Variants in FTCDNL1 observed in about 807,000 individuals in gnomAD.
FTCDNL1 encodes the protein formiminotransferase N-terminal subdomain-containing protein.
FTCDNL1 carries 11 observed loss-of-function variants against 5.9 expected under a neutral mutation model. The ratio of observed to expected loss-of-function variants is 1.87; its 90% CI spans 1.18 to 3.10. FTCDNL1 has a LOEUF of 3.10. Among genes scored for constraint, FTCDNL1 ranks in the 30% most tolerant of loss-of-function variants. FTCDNL1 has a pLI of 0.00. For synonymous variants in FTCDNL1, 58 were observed against 24.8 expected, an observed-to-expected ratio of 2.34 and a Z score of -3.99; for missense variants, 115 against 65.5, an observed-to-expected ratio of 1.76 and a Z score of -2.61.
At chr2:199,826,921 G>C (rs1412958106) in intron 3 of FTCDNL1, among the ~76,000 whole-genome samples, 1 of 152,174 alleles carries the variant, frequency 6.6e-6, no homozygotes, top group Non-Finnish European at 1.5e-5. Context: ...AATAAATGCG[G>C]AAGTGATGAT....
At chr2:199,785,265 T>TTTTTTTTTTTA (rs1574499072) in intron 3 of FTCDNL1, among the ~76,000 whole-genome samples, 4 of 143,642 alleles carry the variant, frequency 2.8e-5, no homozygotes, top group Non-Finnish European at 4.5e-5. Context: ...TTTTTTTTTT[T>TTTTTTTTTTTA]GAGACAGAAT....
chr2:199,707,492 T>C, the FTCDNL1 span, among the ~76,000 whole-genome samples: 16 of 152,268 alleles, frequency 1.1e-4, 1 homozygote, highest in South Asian at 3.3e-3. Flanking sequence ...TTATTTTCTT[T>C]TTAATGAATG....
chr2:199,747,444 C>T, the FTCDNL1 span, among the ~76,000 whole-genome samples: 1 of 152,162 alleles, frequency 6.6e-6, no homozygotes, highest in South Asian at 2.1e-4. Context: ...TGTCTGTGTT[C>T]ACACTCACAG....
chr2:199,725,494 A>C, the FTCDNL1 span, among the ~76,000 whole-genome samples: 1 of 152,068 alleles, frequency 6.6e-6, no homozygotes, highest in Non-Finnish European at 1.5e-5. Context: ...TGGTCTGTGT[A>C]CTTCAGTGTG....
rs1351736177 is a variant in FTCDNL1, at chr2:199,810,765, AT to A, written c.*1939del. ...TTTCTAAAAGCAAAGTTAAGCAGGG[AT>A]TGATGAGGAATAAAGGACTGACCTC... On this transcript the variant is annotated 3_prime_UTR_variant, in exon 5 of 5. Transcript: ENST00000420128. 6.6e-6 allele frequency among the ~76,000 whole-genome samples: 1 copy of A among 152,330 alleles called. No individual in the cohort carries two copies. The highest frequency in any genetic ancestry group is 6.5e-5 in the Admixed American group (1 of 15,304).
chr2:199,739,804 G>T, the FTCDNL1 span, among the ~76,000 whole-genome samples: 1 of 152,126 alleles, frequency 6.6e-6, no homozygotes, highest in Non-Finnish European at 1.5e-5. Flanking sequence ...CCGTTTTATG[G>T]AAGTGCTTTT....
intron 3 of FTCDNL1, among the ~76,000 whole-genome samples, chr2:199,777,211 T>C (rs1321049613): frequency 1.3e-5 from 2 of 152,136 alleles, no homozygotes; most frequent in Non-Finnish European, 1.5e-5. Context: ...GAGAATCTCT[T>C]GAACCCAGGA....
the FTCDNL1 span, among the ~76,000 whole-genome samples, chr2:199,734,247 C>A: frequency 6.6e-6 from 1 of 152,288 alleles, no homozygotes; most frequent in South Asian, 2.1e-4. Context: ...CGGGTGGATG[C>A]TGAAACTGCT....
At chr2:199,795,376 GGTT>G (rs910984156) in intron 3 of FTCDNL1, among the ~76,000 whole-genome samples, 1 of 152,064 alleles carries the variant, frequency 6.6e-6, no homozygotes, top group African/African-American at 2.4e-5. Flanking sequence ...ACAAACACGT[GGTT>G]CTTTCTTTTT....
chr2:199,717,947 A>G, the FTCDNL1 span, among the ~76,000 whole-genome samples: 1 of 150,926 alleles, frequency 6.6e-6, no homozygotes, highest in Non-Finnish European at 1.5e-5. Flanking sequence ...GAGCAATGCC[A>G]TCATCTCTGG....
the FTCDNL1 span, among the ~76,000 whole-genome samples, chr2:199,667,025 A>T: frequency 2.0e-5 from 3 of 152,146 alleles, no homozygotes; most frequent in African/African-American, 7.2e-5. Context: ...GTGTAAATAC[A>T]TTGGAAAGCA....
chr2:199,765,299 C>T (rs545378797), intron 3 of FTCDNL1, among the ~76,000 whole-genome samples: 1 of 151,860 alleles, frequency 6.6e-6, no homozygotes, highest in South Asian at 2.1e-4. Flanking sequence ...AAACGTACCA[C>T]TCTGTGGGGG....
chr2:199,816,676 C>T (rs570926198), intron 4 of FTCDNL1, among the ~76,000 whole-genome samples: 53 of 152,326 alleles, frequency 3.5e-4, no homozygotes, highest in African/African-American at 1.2e-3. Flanking sequence ...CACATCTCCA[C>T]GTGGCTAGTG....
At chr2:199,668,853 GAAGA>G in the FTCDNL1 span, among the ~76,000 whole-genome samples, 1 of 152,084 alleles carries the variant, frequency 6.6e-6, no homozygotes, top group South Asian at 2.1e-4. Flanking sequence ...GGGAACTCGG[GAAGA>G]AAGGAGAAAG....
At chr2:199,685,379 T>C in the FTCDNL1 span, among the ~76,000 whole-genome samples, 2 of 152,154 alleles carry the variant, frequency 1.3e-5, no homozygotes, top group Non-Finnish European at 2.9e-5. Flanking sequence ...ACCAAAATAC[T>C]GCACTACCTC....
At chr2:199,681,261 C>A in the FTCDNL1 span, among the ~76,000 whole-genome samples, 1 of 152,090 alleles carries the variant, frequency 6.6e-6, no homozygotes, top group East Asian at 1.9e-4. Context: ...CGAGACCAGC[C>A]TGGCCAACAT....
chr2:199,750,916 G>A, the FTCDNL1 span, among the ~76,000 whole-genome samples: 3 of 152,320 alleles, frequency 2.0e-5, no homozygotes, highest in Non-Finnish European at 4.4e-5. Context: ...AATTGCTACA[G>A]CTAAGAATGA....
chr2:199,752,486 TC>T, the FTCDNL1 span, among the ~76,000 whole-genome samples: 9 of 152,264 alleles, frequency 5.9e-5, no homozygotes, highest in African/African-American at 2.2e-4. Context: ...GCAGATTGCA[TC>T]CATAATGTAG....
At chr2:199,712,411 T>C in the FTCDNL1 span, among the ~76,000 whole-genome samples, 5,222 of 152,270 alleles carry the variant, frequency 0.034, 290 homozygotes, top group African/African-American at 0.12. Flanking sequence ...GAAAAATATT[T>C]TGAGTAGCAT....
Sources: allele counts gnomAD v4.1 joint callset (sites outside exome capture counted in the v4.1 genomes callset), GRCh38; gene constraint gnomAD v4.1.1; transcripts MANE v1.5; gene names NCBI Gene and HGNC (gene_info 2026-07-23, HGNC 2026-07-21).